The following LY75 variants were observed in gnomAD, a reference collection of about 807,000 sequenced individuals.
LY75 encodes the protein lymphocyte antigen 75.
Under a neutral mutation model 231.7 loss-of-function variants are expected in LY75, and 185 were observed. The observed-to-expected ratio is 0.80, with a 90% CI of 0.71 to 0.90. LY75 has a LOEUF of 0.90. LY75 is among the 40% of genes least tolerant of loss of function. The pLI is 0.00. For missense variants in LY75, 1,947 were observed against 2,050.2 expected (o/e 0.95, Z 0.97); for synonymous variants, 668 against 689.0 (o/e 0.97, Z 0.48).
rs948351392 is a variant in LY75, at chr2:159,804,090, C to G, written c.*954G>C. 2.0e-5 allele frequency: 3 copies of G among 152,146 alleles called. No individual in the cohort carries two copies. Among genetic ancestry groups the G allele is most frequent in the African/African-American group, 7.2e-5 (3 of 41,424 alleles). The allele number at this position is 152,146 out of a possible 1,614,324, so 9.4% of individuals were successfully genotyped here. Reference sequence around the variant, plus strand: ...CTTGGGAAAATGTTAAGCACTAAATCTTTAAAAGTCATTGTTTTATAAACA... The same window carrying G: ...CTTGGGAAAATGTTAAGCACTAAATGTTTAAAAGTCATTGTTTTATAAACA... On this transcript the variant is annotated 3_prime_UTR_variant, in exon 35 of 35. Transcript: ENST00000263636.
intron 28 of LY75, among the ~76,000 whole-genome samples, chr2:159,828,097 A>T (rs1683533265): frequency 1.3e-5 from 2 of 152,078 alleles, no homozygotes; most frequent in Admixed American, 1.3e-4. Flanking sequence ...CCAGAACTTA[A>T]AGTACAATAA....
At chr2:159,881,278 A>C in intron 7 of LY75, 38 bp from the exon 8 acceptor site, 1 of 1,590,610 alleles carries the variant, frequency 6.3e-7, no homozygotes, top group Non-Finnish European at 8.5e-7. Flanking sequence ...GTTTTGCTCA[A>C]TTAAATACTG....
chr2:159,854,486 A>G lies in LY75; in HGVS notation c.2469T>C (p.Tyr823=). The G allele has an allele frequency of 4.3e-6, 7 of 1,613,592 alleles. No individual in the cohort carries two copies. The highest frequency in any genetic ancestry group is 5.9e-6 in the Non-Finnish European group (7 of 1,179,622). The change falls in exon 18 of 35, where the codon TAT becomes TAC. Residue 823 remains tyrosine, a synonymous_variant. Transcript: ENST00000263636. ...TTAGGTGAAGATCAGCAACAAACCAATATTCACTTCCTTCAATTATAAGTG... is the reference window on the plus strand; with the variant it reads ...TTAGGTGAAGATCAGCAACAAACCAGTATTCACTTCCTTCAATTATAAGTG... The part of the protein sequence containing the change: ...GPPLIIEGSE[Y]WFVADLHLNY...
intron 1 of LY75, among the ~76,000 whole-genome samples, chr2:159,901,865 T>C (rs1008680649): frequency 6.6e-6 from 1 of 152,252 alleles, no homozygotes; most frequent in Non-Finnish European, 1.5e-5. Context: ...ATATATAAGG[T>C]ATGTATAAAC....
intron 2 of LY75, among the ~76,000 whole-genome samples, chr2:159,896,603 A>G (rs141243802): frequency 6.6e-6 from 1 of 152,216 alleles, no homozygotes; most frequent in Non-Finnish European, 1.5e-5. Flanking sequence ...CAGTATCGAG[A>G]GTCTGAGAGC....
intron 23 of LY75, among the ~76,000 whole-genome samples, chr2:159,845,586 T>C (rs904489757): frequency 2.6e-5 from 4 of 152,014 alleles, no homozygotes; most frequent in Non-Finnish European, 5.9e-5. Context: ...GACTTTTTTG[T>C]CATTATTCCC....
chr2:159,849,846 A>G, intron 23 of LY75, 134 bp downstream of exon 23: 1 of 1,171,534 alleles, frequency 8.5e-7, no homozygotes, highest in South Asian at 1.7e-5. Flanking sequence ...CCTACTTACT[A>G]TCTTAGATGT....
chr2:159,808,419 G>A (rs780038855), intron 33 of LY75, 30 bp downstream of exon 33: 4 of 1,612,962 alleles, frequency 2.5e-6, no homozygotes, highest in Non-Finnish European at 3.4e-6. Context: ...AACTCTCTTT[G>A]CACACTACAC....
At chr2:159,870,801 C>T (rs989073504) in intron 13 of LY75, among the ~76,000 whole-genome samples, 3 of 151,974 alleles carry the variant, frequency 2.0e-5, no homozygotes, top group African/African-American at 7.3e-5. Flanking sequence ...CATAAGCCAC[C>T]ACACCCAGCC....
At chr2:159,852,945 G>A (rs779484138) in intron 20 of LY75, among the ~76,000 whole-genome samples, 2 of 152,198 alleles carry the variant, frequency 1.3e-5, no homozygotes. Flanking sequence ...GAGAGTTGAA[G>A]GGGCAATGTA....
intron 11 of LY75, among the ~76,000 whole-genome samples, chr2:159,876,877 C>A (rs1485990472): frequency 6.6e-6 from 1 of 151,600 alleles, no homozygotes; most frequent in Non-Finnish European, 1.5e-5. Context: ...GGCATGGTGG[C>A]AGGTGCCTGT....
At chr2:159,880,120 A>G (rs1248719250) in intron 8 of LY75, among the ~76,000 whole-genome samples, 1 of 152,208 alleles carries the variant, frequency 6.6e-6, no homozygotes, top group Non-Finnish European at 1.5e-5. Flanking sequence ...AAATACACAT[A>G]ATATTTATTG....
At chr2:159,864,241 G>C (rs1249987250) in intron 14 of LY75, among the ~76,000 whole-genome samples, 2 of 152,064 alleles carry the variant, frequency 1.3e-5, no homozygotes, top group African/African-American at 4.8e-5. Flanking sequence ...TTTTTAGTCT[G>C]ATGTAATCCC....
intron 15 of LY75, among the ~76,000 whole-genome samples, chr2:159,859,890 C>T (rs1684653094): frequency 6.6e-6 from 1 of 152,196 alleles, no homozygotes; most frequent in Non-Finnish European, 1.5e-5. Context: ...ATCATCATCA[C>T]CACCACCATG....
chr2:159,864,871 G>A lies in LY75; in HGVS notation c.2167C>T (p.Gln723Ter). Residue 723 changes from glutamine (Q) to a stop codon, truncating the protein, a stop_gained, in exon 14 of 35, where the codon CAA (glutamine) becomes TAA (stop). Transcript: ENST00000263636. LOFTEE classifies it high-confidence loss of function. ...IGLNKRSPDL[Q>*]GSWQWSDRTP... ...CGATCACTCCATTGCCAGGATCCTTGTAAATCTGGGCTCCTTTTATTCAAA... is the reference window on the plus strand; with the variant it reads ...CGATCACTCCATTGCCAGGATCCTTATAAATCTGGGCTCCTTTTATTCAAA... The A allele has an allele frequency of 1.2e-6, 2 of 1,604,606 alleles. No homozygotes were observed. Among genetic ancestry groups the A allele is most frequent in the Non-Finnish European group, 1.7e-6 (2 of 1,175,544 alleles).
At chr2:159,886,285 G>T in intron 5 of LY75, 135 bp downstream of exon 5, 1 of 966,444 alleles carries the variant, frequency 1.0e-6, no homozygotes, top group Non-Finnish European at 1.4e-6. Flanking sequence ...GGTTTAGGAA[G>T]AAAAAATTCT....
At chr2:159,873,188 G>A (rs1307304774) in intron 12 of LY75, among the ~76,000 whole-genome samples, 1 of 151,946 alleles carries the variant, frequency 6.6e-6, no homozygotes, top group Non-Finnish European at 1.5e-5. Context: ...GGAGGAGGAG[G>A]CAGAGGAGGA....
rs185502872 is a variant in LY75, at chr2:159,900,924, C to T, written c.95-1865G>A. 2.7e-3 allele frequency among the ~76,000 whole-genome samples: 412 copies of T among 152,124 alleles called. 1 individual carries two copies. Among genetic ancestry groups the T allele is most frequent in the Non-Finnish European group, 2.6e-3 (179 of 67,998 alleles). On this transcript the variant is annotated intron_variant, in intron 1 of 34. Coordinates refer to ENST00000263636, the MANE Select transcript of LY75 (RefSeq NM_002349.4). ...CACAATCTCAGCTAACTGCAACCTC[C>T]GCCTCCCAGGTTCAAGTGATTCTCA...
intron 13 of LY75, among the ~76,000 whole-genome samples, chr2:159,867,925 T>C (rs768117393): frequency 1.3e-5 from 2 of 152,132 alleles, no homozygotes; most frequent in South Asian, 2.1e-4. Context: ...GGAACTTAGA[T>C]TGTGAGAGGT....
Sources: allele counts gnomAD v4.1 joint callset (sites outside exome capture counted in the v4.1 genomes callset), GRCh38; gene constraint gnomAD v4.1.1; transcripts MANE v1.5; gene names NCBI Gene and HGNC (gene_info 2026-07-23, HGNC 2026-07-21).